PKHD1: variants seen among roughly 807,000 people sequenced by gnomAD.
The protein encoded by PKHD1 is fibrocystin.
PKHD1 carries 291 observed loss-of-function variants against 412.0 expected under a neutral mutation model. The ratio of observed to expected loss-of-function variants is 0.71; its 90% CI spans 0.64 to 0.78. The LOEUF (loss-of-function observed/expected upper bound fraction) is 0.78, where lower values mean the gene tolerates loss of function less well. Ranked by LOEUF, PKHD1 falls within the 30% of genes least tolerant of loss-of-function variation. The pLI is 0.00. For synonymous variants in PKHD1, 1,777 were observed against 1,821.5 expected (o/e 0.98, Z 0.62); for missense variants, 4,825 against 4,950.7 (o/e 0.97, Z 0.76).
intron 60 of PKHD1, among the ~76,000 whole-genome samples, chr6:51,718,073 T>C (rs1422039018): frequency 6.6e-6 from 1 of 152,244 alleles, no homozygotes; most frequent in Non-Finnish European, 1.5e-5. Flanking sequence ...TTGCTTCATC[T>C]CAGATCACTG....
intron 20 of PKHD1, among the ~76,000 whole-genome samples, chr6:52,053,694 G>A (rs141449035): frequency 2.4e-4 from 37 of 152,170 alleles, no homozygotes; most frequent in Non-Finnish European, 3.4e-4. Flanking sequence ...TTTATTCCAG[G>A]GTCACTAGCT....
intron 37 of PKHD1, among the ~76,000 whole-genome samples, chr6:51,928,552 C>T (rs562564125): frequency 6.6e-6 from 1 of 151,972 alleles, no homozygotes; most frequent in South Asian, 2.1e-4. Context: ...GAAAATGTGG[C>T]TTGAGCTTGG....
chr6:51,982,575 G>C (rs1252419668), intron 35 of PKHD1, among the ~76,000 whole-genome samples: 2 of 144,654 alleles, frequency 1.4e-5, no homozygotes, highest in African/African-American at 2.5e-5. Flanking sequence ...TAAGGGCGGT[G>C]CAAGATGTGC....
At chr6:51,676,147 T>C (rs992859575) in intron 60 of PKHD1, among the ~76,000 whole-genome samples, 2 of 151,332 alleles carry the variant, frequency 1.3e-5, no homozygotes, top group South Asian at 4.2e-4. Flanking sequence ...TCAATATTTG[T>C]CCTTCCTGTC....
At chr6:51,709,406 T>C (rs1161771515) in intron 60 of PKHD1, among the ~76,000 whole-genome samples, 2 of 152,224 alleles carry the variant, frequency 1.3e-5, no homozygotes, top group South Asian at 2.1e-4. Context: ...TTTATTCTTG[T>C]TGTCCCAGCA....
chr6:51,756,162 C>A (rs1266646760), intron 55 of PKHD1, among the ~76,000 whole-genome samples: 2 of 152,088 alleles, frequency 1.3e-5, no homozygotes, highest in Non-Finnish European at 2.9e-5. Context: ...GACAAAAAAA[C>A]TACTATCAAT....
rs1320798193 is a variant in PKHD1 at position 51,619,534 on chromosome 6, A to G, written c.11786-14T>C. 3.1e-6 allele frequency: 5 copies of G among 1,605,330 alleles called. No individual in the cohort carries two copies. Among genetic ancestry groups the G allele is most frequent in the Non-Finnish European group, 4.3e-6 (5 of 1,172,176 alleles). ...TCATTCTCATATCTGGGGGGAAAAGAAATAGGGGAAGAAATGGATTTAGTT... is the reference window on the plus strand; with the variant it reads ...TCATTCTCATATCTGGGGGGAAAAGGAATAGGGGAAGAAATGGATTTAGTT... On this transcript the variant is annotated splice_polypyrimidine_tract_variant and intron_variant, in intron 66 of 66. Coordinates refer to ENST00000371117, the MANE Select transcript of PKHD1 (RefSeq NM_138694.4).
intron 43 of PKHD1, among the ~76,000 whole-genome samples, chr6:51,891,265 GT>G (rs564456613): frequency 6.6e-6 from 1 of 152,024 alleles, no homozygotes; most frequent in East Asian, 1.9e-4. Context: ...TTGGGGTTTT[GT>G]TTTTTTGTTT....
rs146027774 is a variant in PKHD1 at position 52,049,270 on chromosome 6, T to C, written c.2280-651A>G. On this transcript the variant is annotated intron_variant, in intron 22 of 66. Transcript: ENST00000371117. ...AAGCCTGCTGCTGTACTGAATACTG[T>C]AGGCAATTGTAACACAATGCTACAT... 1.6e-4 allele frequency among the ~76,000 whole-genome samples: 25 copies of C among 152,294 alleles called. No individual in the cohort carries two copies. The East Asian group carries it at 3.3e-3, about 20-fold the overall frequency.
At chr6:51,828,514 A>G (rs1398522907) in intron 52 of PKHD1, among the ~76,000 whole-genome samples, 6 of 152,174 alleles carry the variant, frequency 3.9e-5, no homozygotes, top group Non-Finnish European at 8.8e-5. Flanking sequence ...TATTCAAAGG[A>G]GAAGACATTT....
intron 66 of PKHD1, among the ~76,000 whole-genome samples, chr6:51,620,606 A>T (rs1349160270): frequency 6.6e-6 from 1 of 151,892 alleles, no homozygotes; most frequent in Non-Finnish European, 1.5e-5. Context: ...TTAACTTATT[A>T]AGCTTTTTGT....
chr6:52,079,824 T>C, intron 5 of PKHD1, 76 bp downstream of exon 5: 1 of 849,944 alleles, frequency 1.2e-6, no homozygotes, highest in Non-Finnish European at 2.1e-6. Context: ...GCTGGCTCAT[T>C]TACAATTTGC....
chr6:51,683,169 G>A (rs1354263426), intron 60 of PKHD1, among the ~76,000 whole-genome samples: 3 of 151,958 alleles, frequency 2.0e-5, no homozygotes, highest in African/African-American at 7.2e-5. Flanking sequence ...CTGGCTCAGA[G>A]GATTTCAGGT....
At chr6:52,062,741 T>C in intron 13 of PKHD1, 81 bp from the exon 14 acceptor site, 1 of 1,563,150 alleles carries the variant, frequency 6.4e-7, no homozygotes. Flanking sequence ...AATTACAAGG[T>C]GAAAGATGAC....
In PKHD1 at chr6:51,959,940, G is replaced by A. The variant is rs769415024; in HGVS notation, c.5838C>T (p.Val1946=). Residue 1946 remains valine (V), a synonymous_variant, in exon 36 of 67, where the codon GTC becomes GTT. Coordinates refer to ENST00000371117, the MANE Select transcript of PKHD1 (RefSeq NM_138694.4). ...PERLPQDGDN[V]TVENGQLLLL... is the part of the protein sequence containing the mutation. ...GAAGCAATTGGCCATTCTCCACTGT[G>A]ACGTTGTCGCCATCTTGTGGCAGCC... 1.2e-6 allele frequency: 2 copies of A among 1,613,422 alleles called. No homozygotes were observed. Among genetic ancestry groups the A allele is most frequent in the African/African-American group, 1.3e-5 (1 of 74,968 alleles).
At chr6:51,831,055 T>C in intron 51 of PKHD1, 66 bp from the exon 52 acceptor site, 1 of 1,223,154 alleles carries the variant, frequency 8.2e-7, no homozygotes. Flanking sequence ...CTATCCTTAT[T>C]TTAGGATGCT....
chr6:51,703,215 C>A (rs940034901), intron 60 of PKHD1, among the ~76,000 whole-genome samples: 18 of 152,034 alleles, frequency 1.2e-4, no homozygotes, highest in African/African-American at 3.1e-4. Flanking sequence ...AACGCTGGGC[C>A]TTCAGAGTGT....
intron 40 of PKHD1, among the ~76,000 whole-genome samples, chr6:51,906,734 C>T (rs1782158394): frequency 1.3e-5 from 2 of 152,026 alleles, no homozygotes; most frequent in African/African-American, 4.8e-5. Flanking sequence ...ATCTTTGAAA[C>T]CTGGAGCAGT....
chr6:52,079,794 T>C, intron 5 of PKHD1, 106 bp downstream of exon 5: 2 of 780,056 alleles, frequency 2.6e-6, no homozygotes, highest in Non-Finnish European at 4.8e-6. Context: ...CATTTTCTTT[T>C]AACCCGGTCA....
Sources: allele counts gnomAD v4.1 joint callset (sites outside exome capture counted in the v4.1 genomes callset), GRCh38; gene constraint gnomAD v4.1.1; transcripts MANE v1.5; gene names NCBI Gene and HGNC (gene_info 2026-07-23, HGNC 2026-07-21).